RAP1GAP2: variants seen among roughly 807,000 people sequenced by gnomAD.
RAP1GAP2 encodes rap1 GTPase-activating protein 2.
In RAP1GAP2, 27 loss-of-function variants were observed where a neutral mutation model predicts 95.0. The ratio of observed to expected loss-of-function variants is 0.28; its 90% CI spans 0.21 to 0.39. The LOEUF is 0.39. Ranked by LOEUF, RAP1GAP2 falls within the 10% of genes least tolerant of loss-of-function variation. The pLI, the probability that RAP1GAP2 is intolerant of heterozygous loss-of-function variation, is 1.00. For synonymous variants in RAP1GAP2, 373 were observed against 380.9 expected, an observed-to-expected ratio of 0.98 and a Z score of 0.24; for missense variants, 771 against 970.0, an observed-to-expected ratio of 0.79 and a Z score of 2.72.
intron 3 of RAP1GAP2, among the ~76,000 whole-genome samples, chr17:2,938,798 C>T (rs892440567): frequency 1.3e-5 from 2 of 151,992 alleles, no homozygotes; most frequent in African/African-American, 4.8e-5. Flanking sequence ...ATCAGCCTGG[C>T]CAACGTCGCA....
At chr17:2,877,809 A>C (rs1049090206) in intron 2 of RAP1GAP2, among the ~76,000 whole-genome samples, 4 of 152,192 alleles carry the variant, frequency 2.6e-5, no homozygotes, top group Non-Finnish European at 5.9e-5. Context: ...TGAGGGTGAC[A>C]GGAAGCCATT....
rs543552405 is a variant in RAP1GAP2, at chr17:2,777,557, G to T, written c.-14+279G>T. On this transcript the variant is annotated intron_variant, in intron 1 of 24. Transcript: ENST00000540393. Reference sequence around the variant, plus strand: ...GTCCAGGGCAGGCGTGTGTTCAGGAGACCTCAGGGGTCCGTGTAGACTGTC... The same window carrying T: ...GTCCAGGGCAGGCGTGTGTTCAGGATACCTCAGGGGTCCGTGTAGACTGTC... Among the ~76,000 whole-genome samples, 99 of 152,264 alleles carry T rather than the reference G, an allele frequency of 6.5e-4. 1 individual carries two copies. The highest frequency in any genetic ancestry group is 4.4e-5 in the Non-Finnish European group (3 of 68,004).
intron 2 of RAP1GAP2, among the ~76,000 whole-genome samples, chr17:2,854,406 G>T (rs962161707): frequency 3.9e-5 from 6 of 152,214 alleles, no homozygotes; most frequent in African/African-American, 7.2e-5. Flanking sequence ...CGTTCCCCAA[G>T]CCTGCAGCCG....
Position 2,957,660 on chromosome 17 carries a change from C to T in RAP1GAP2, c.166-99C>T, listed in dbSNP as rs1264186596. ...CAAATGAATTTTGTCCCTGGGGAAGCCCCAGGCTCAGCTTCCTGATAGTTG... is the reference window on the plus strand; with the variant it reads ...CAAATGAATTTTGTCCCTGGGGAAGTCCCAGGCTCAGCTTCCTGATAGTTG... On this transcript the variant is annotated intron_variant, in intron 3 of 24. Coordinates refer to ENST00000254695, the MANE Select transcript of RAP1GAP2 (RefSeq NM_015085.5). The T allele has an allele frequency of 8.9e-6, 12 of 1,355,074 alleles. No homozygotes were observed. The African/African-American group carries it at 1.2e-4, about 13-fold the overall frequency. 83.9% of individuals were successfully genotyped at this position (1,355,074 alleles called of 1,614,324 possible). A position where few individuals can be genotyped will look rare whatever the true frequency, so the allele number is the denominator to read the frequency against.
intron 23 of RAP1GAP2, among the ~76,000 whole-genome samples, chr17:3,031,708 A>T (rs1013300534): frequency 2.2e-5 from 3 of 139,016 alleles, no homozygotes; most frequent in Admixed American, 1.4e-4. Flanking sequence ...CCAGGTCCAG[A>T]TGTGAGGTGG....
intron 2 of RAP1GAP2, among the ~76,000 whole-genome samples, chr17:2,858,347 G>A (rs1421370995): frequency 1.3e-5 from 2 of 152,074 alleles, no homozygotes; most frequent in Admixed American, 1.3e-4. Flanking sequence ...CCTTTGTTGT[G>A]GAGTATCATA....
intron 17 of RAP1GAP2, among the ~76,000 whole-genome samples, chr17:3,015,461 T>C (rs1021235045): frequency 6.6e-6 from 1 of 152,180 alleles, no homozygotes; most frequent in Non-Finnish European, 1.5e-5. Context: ...ACCTGTTGTT[T>C]GGGTCAGGAG....
chr17:2,881,527 C>T (rs939964409), intron 2 of RAP1GAP2, among the ~76,000 whole-genome samples: 2 of 152,150 alleles, frequency 1.3e-5, no homozygotes, highest in Admixed American at 1.3e-4. Flanking sequence ...TGGTGTGCCA[C>T]GTTTTGTTTA....
chr17:3,014,135 GTGTGGCTGC>G (rs1567897194), intron 17 of RAP1GAP2, among the ~76,000 whole-genome samples: 2 of 19,922 alleles, frequency 1.0e-4, no homozygotes, highest in Non-Finnish European at 2.2e-4. Context: ...GCTATAGAGC[GTGTGGCTGC>G]CAGCACAGAC....
chr17:2,856,246 T>G (rs4583277), intron 2 of RAP1GAP2, among the ~76,000 whole-genome samples: 24,403 of 152,056 alleles, frequency 0.16, 2,187 homozygotes, highest in East Asian at 0.25. Flanking sequence ...TTCCTGATTC[T>G]GAGTATAGAA....
intron 3 of RAP1GAP2, among the ~76,000 whole-genome samples, chr17:2,936,711 C>T (rs2043321553): frequency 6.6e-6 from 1 of 152,048 alleles, no homozygotes; most frequent in Non-Finnish European, 1.5e-5. Context: ...TAGACGCAGC[C>T]CTGACTTCCT....
At chr17:2,757,503 G>A (rs967012862) in intron 1 of RAP1GAP2, among the ~76,000 whole-genome samples, 4 of 151,950 alleles carry the variant, frequency 2.6e-5, no homozygotes, top group African/African-American at 7.3e-5. Flanking sequence ...GCATTCCATC[G>A]CCCGACCACA....
At chr17:2,837,607 CTTT>C (rs36019609) in intron 2 of RAP1GAP2, among the ~76,000 whole-genome samples, 23 of 122,104 alleles carry the variant, frequency 1.9e-4, no homozygotes, top group Non-Finnish European at 1.9e-4. Context: ...AGCCCTGCTT[CTTT>C]TTTTTTTTTT....
rs1365212922 is a variant in RAP1GAP2 at position 2,871,336 on chromosome 17, C to A, written c.81-33948C>A. ...TCCAACAGCTCTGGTTAGATACATTCCAGGGAGGAGTTCTGATTGGCCTGG... is the reference window on the plus strand; with the variant it reads ...TCCAACAGCTCTGGTTAGATACATTACAGGGAGGAGTTCTGATTGGCCTGG... On this transcript the variant is annotated intron_variant, in intron 2 of 24. Coordinates refer to ENST00000254695, the MANE Select transcript of RAP1GAP2 (RefSeq NM_015085.5). The surrounding 1 kb of genome is among the most constrained non-coding windows in gnomAD (Gnocchi z 5.0). Among the ~76,000 whole-genome samples the A allele has an allele frequency of 6.6e-6, 1 of 152,208 alleles. No individual in the cohort carries two copies. The highest frequency in any genetic ancestry group is 1.9e-4 in the East Asian group (1 of 5,200).
intron 2 of RAP1GAP2, among the ~76,000 whole-genome samples, chr17:2,880,598 T>A (rs2073248325): frequency 1.3e-5 from 2 of 152,052 alleles, no homozygotes; most frequent in South Asian, 4.2e-4. Flanking sequence ...ATGTTCATCA[T>A]CCAGATGGAA....
At chr17:2,905,479 G>A in intron 3 of RAP1GAP2, 111 bp downstream of exon 3, 1 of 1,059,046 alleles carries the variant, frequency 9.4e-7, no homozygotes, top group Non-Finnish European at 1.4e-6. Context: ...TGGGGCTGTG[G>A]AGTGTCCTGA....
intron 22 of RAP1GAP2, among the ~76,000 whole-genome samples, chr17:3,030,058 T>G (rs189764190): frequency 6.8e-6 from 1 of 147,998 alleles, no homozygotes; most frequent in Admixed American, 6.8e-5. Flanking sequence ...TATATACATA[T>G]ATAGTATATA....
At chr17:3,030,252 C>T (rs1010526761) in intron 22 of RAP1GAP2, among the ~76,000 whole-genome samples, 1 of 151,672 alleles carries the variant, frequency 6.6e-6, no homozygotes, top group Non-Finnish European at 1.5e-5. Context: ...CTTCATTCGT[C>T]AGTGACATGA....
At chr17:2,989,902 C>T (rs1262662760) in intron 11 of RAP1GAP2, among the ~76,000 whole-genome samples, 1 of 152,144 alleles carries the variant, frequency 6.6e-6, no homozygotes, top group Non-Finnish European at 1.5e-5. Context: ...ACTCCCCATC[C>T]CCCTTTCCTT....
Sources: gnomAD v4.1 joint callset for allele counts (sites outside exome capture counted in the v4.1 genomes callset) on GRCh38, gnomAD v4.1.1 for gene constraint, Gnocchi (gnomAD v3.1) non-coding constraint, MANE v1.5 for transcripts, NCBI Gene and HGNC (gene_info 2026-07-23, HGNC 2026-07-21) for gene names.